Variants in ADAMTS13 observed in about 807,000 individuals in gnomAD.
ADAMTS13 encodes the protein A disintegrin and metalloproteinase with thrombospondin motifs 13.
Under a neutral mutation model 155.1 loss-of-function variants are expected in ADAMTS13, and 110 were observed. The observed-to-expected ratio is 0.71, with a 90% CI of 0.61 to 0.83. ADAMTS13 has a LOEUF of 0.83. Ranked by LOEUF, ADAMTS13 falls within the 40% of genes least tolerant of loss-of-function variation. The pLI is 0.00. For missense variants in ADAMTS13, 1,707 were observed against 1,891.7 expected, an observed-to-expected ratio of 0.90 and a Z score of 1.81; for synonymous variants, 758 against 756.4, an observed-to-expected ratio of 1.00 and a Z score of -0.03.
At chr9:133,419,627 G>A (rs782690807), upstream of ADAMTS13, among the ~76,000 whole-genome samples, 6 of 152,136 alleles carry the variant, frequency 3.9e-5, no homozygotes, top group Non-Finnish European at 8.8e-5. Context: ...AGAATCCAGG[G>A]GGAGAATAAA....
At position 133,424,491 on chromosome 9, in the gene ADAMTS13, C is replaced by T. The variant is rs782397762; in HGVS notation, c.330+13C>T. On this transcript the variant is annotated intron_variant, in intron 3 of 28. Transcript: ENST00000355699. This position sits in a 1 kb window ranked among gnomAD's most constrained non-coding sequence, Gnocchi z 4.3. ...CAACCTCAACATCGTGAGTGCCCCACGCTGGACTGTGCAGGTCCCCACGGC... is the reference window on the plus strand; with the variant it reads ...CAACCTCAACATCGTGAGTGCCCCATGCTGGACTGTGCAGGTCCCCACGGC... 1.2e-5 allele frequency: 20 copies of T among 1,609,556 alleles called. No homozygotes were observed. The highest frequency in any genetic ancestry group is 3.3e-5 in the South Asian group (3 of 90,524).
intron 21 of ADAMTS13, among the ~76,000 whole-genome samples, chr9:133,447,255 C>A (rs587614435): frequency 6.6e-6 from 1 of 152,116 alleles, no homozygotes; most frequent in African/African-American, 2.4e-5. Context: ...AAAATGTCAG[C>A]CTGTTTAAAA....
At chr9:133,432,789 G>C in intron 9 of ADAMTS13, 97 bp downstream of exon 9, 1 of 1,205,364 alleles carries the variant, frequency 8.3e-7, no homozygotes, top group Non-Finnish European at 1.2e-6. Flanking sequence ...GGCAGGACCA[G>C]TATGGGGCAG....
chr9:133,435,272 C>T (rs1554788644), intron 11 of ADAMTS13, among the ~76,000 whole-genome samples: 1 of 150,610 alleles, frequency 6.6e-6, no homozygotes, highest in African/African-American at 2.4e-5. Flanking sequence ...CTGCAACCTT[C>T]GCCTCCTGGG....
At chr9:133,419,570 G>A (rs1839861053), upstream of ADAMTS13, among the ~76,000 whole-genome samples, 1 of 152,144 alleles carries the variant, frequency 6.6e-6, no homozygotes, top group African/African-American at 2.4e-5. Flanking sequence ...AGGCTGAGGG[G>A]GAGCAGTCAG....
rs143573766 is a variant in ADAMTS13 at position 133,440,456 on chromosome 9, C to T, written c.1899C>T (p.Thr633=). The T allele has an allele frequency of 1.8e-4, 287 of 1,613,728 alleles. No individual in the cohort carries two copies. In the African/African-American group the frequency reaches 2.9e-3, roughly 17 times the overall value. The stretch of plus-strand genomic sequence containing the variant: ...GTGTCGAGTACAGAGTGGCCCTCAC[C>T]GAGGACCGGCTGCCCCGCCTGGAGG... ...DGRVEYRVAL[T]EDRLPRLEEI... The change falls in exon 16 of 29, where the codon ACC becomes ACT. Residue 633 remains threonine (T), a synonymous_variant. Coordinates refer to ENST00000355699, the MANE Select transcript of ADAMTS13 (RefSeq NM_139027.6). This position sits in a 1 kb window ranked among gnomAD's most constrained non-coding sequence, Gnocchi z 4.3.
intron 7 of ADAMTS13, chr9:133,429,562 C>G: frequency 3.0e-6 from 1 of 328,468 alleles, no homozygotes; most frequent in South Asian, 2.3e-5. Flanking sequence ...CCACCCGCCC[C>G]TACCCCTCCG....
chr9:133,455,681 G>A, intron 25 of ADAMTS13: 1 of 1,551,070 alleles, frequency 6.4e-7, no homozygotes, highest in Non-Finnish European at 8.8e-7. Context: ...GGGAAGGACT[G>A]GCACAAGCAC....
chr9:133,446,664 T>G (rs782566211), intron 21 of ADAMTS13, among the ~76,000 whole-genome samples: 11 of 152,252 alleles, frequency 7.2e-5, no homozygotes, highest in Non-Finnish European at 1.6e-4. Context: ...TTTGAGTTCC[T>G]GCTTTCAGTT....
chr9:133,438,410 T>TC, intron 14 of ADAMTS13, 44 bp downstream of exon 14: 7 of 1,609,862 alleles, frequency 4.3e-6, no homozygotes, highest in Non-Finnish European at 5.9e-6. Context: ...TCCCCCAGCC[T>TC]CCAAGATGGC....
upstream of ADAMTS13, among the ~76,000 whole-genome samples, chr9:133,417,434 A>G (rs1839716638): frequency 6.6e-6 from 1 of 152,192 alleles, no homozygotes; most frequent in African/African-American, 2.4e-5. Context: ...TCTTTCATCA[A>G]TTTCTTTCAA....
intron 24 of ADAMTS13, among the ~76,000 whole-genome samples, chr9:133,454,897 C>T (rs587626501): frequency 2.6e-5 from 4 of 152,226 alleles, no homozygotes; most frequent in African/African-American, 9.6e-5. Flanking sequence ...CCAGCTGTGC[C>T]ACGCACCTGG....
intron 27 of ADAMTS13, among the ~76,000 whole-genome samples, chr9:133,457,366 C>T (rs2130954037): frequency 6.6e-6 from 1 of 152,334 alleles, no homozygotes; most frequent in South Asian, 2.1e-4. Flanking sequence ...GCGCCGCCTC[C>T]TTGCCCCAGA....
At chr9:133,457,810 A>T (rs1051686658) in intron 27 of ADAMTS13, 100 bp from the exon 28 acceptor site, 11 of 1,476,086 alleles carry the variant, frequency 7.5e-6, no homozygotes, top group Non-Finnish European at 1.0e-5. Flanking sequence ...TATTGACCAC[A>T]GTGCCATGCT....
intron 6 of ADAMTS13, among the ~76,000 whole-genome samples, chr9:133,427,090 A>G (rs1405324045): frequency 6.6e-6 from 1 of 152,272 alleles, no homozygotes; most frequent in East Asian, 1.9e-4. Context: ...GGCGTGAGCC[A>G]CTGCATCCAG....
At chr9:133,417,520 T>C (rs1588143920), upstream of ADAMTS13, 3 of 1,235,324 alleles carry the variant, frequency 2.4e-6, no homozygotes, top group Non-Finnish European at 3.5e-6. Flanking sequence ...GATTCAAATC[T>C]GCCTTTACAG....
chr9:133,459,126 A>T lies in ADAMTS13; in HGVS notation c.4062A>T (p.Ser1354=), dbSNP rs1554797162. 2 of 1,612,794 alleles carry T rather than the reference A, an allele frequency of 1.2e-6. No individual in the cohort carries two copies. The highest frequency in any genetic ancestry group is 1.7e-5 in the Admixed American group (1 of 59,986). The change falls in exon 29 of 29, where the codon TCA becomes TCT. Residue 1354 remains serine (S), a synonymous_variant. Transcript: ENST00000355699. ...SLRGQYWTLQ[S]WVPEMQDPQS... ...GGGGCCAGTACTGGACCCTCCAATCATGGGTACCGGAGATGCAGGACCCTC... is the reference window on the plus strand; with the variant it reads ...GGGGCCAGTACTGGACCCTCCAATCTTGGGTACCGGAGATGCAGGACCCTC...
At chr9:133,450,559 C>T (rs1842372965) in intron 23 of ADAMTS13, among the ~76,000 whole-genome samples, 1 of 147,624 alleles carries the variant, frequency 6.8e-6, no homozygotes, top group Admixed American at 6.7e-5. Context: ...CAGCAAAACT[C>T]CATCTCAAAA....
chr9:133,425,843 G>T lies in ADAMTS13; in HGVS notation c.415-95G>T. 1 of 1,570,590 alleles carries T rather than the reference G, an allele frequency of 6.4e-7. No individual in the cohort carries two copies. Among genetic ancestry groups the T allele is most frequent in the Non-Finnish European group, 8.6e-7 (1 of 1,160,536 alleles). On this transcript the variant is annotated intron_variant, in intron 4 of 28. Coordinates refer to ENST00000355699, the MANE Select transcript of ADAMTS13 (RefSeq NM_139027.6). The surrounding 1 kb of genome is among the most constrained non-coding windows in gnomAD (Gnocchi z 4.6). ...ATCCCTAACACGGGCTAGTCATAGG[G>T]TTGTTAGGAGGACTAACTGGGAAAC...
Sources: gnomAD v4.1 joint callset for allele counts (sites outside exome capture counted in the v4.1 genomes callset) on GRCh38, gnomAD v4.1.1 for gene constraint, Gnocchi (gnomAD v3.1) non-coding constraint, MANE v1.5 for transcripts, NCBI Gene and HGNC (gene_info 2026-07-23, HGNC 2026-07-21) for gene names.